EP300: variants seen among roughly 807,000 people sequenced by gnomAD.
EP300 encodes the protein histone acetyltransferase p300.
A neutral mutation model predicts 264.0 loss-of-function variants in EP300; 31 were observed. The observed-to-expected ratio is 0.12, with a 90% CI of 0.09 to 0.16. The LOEUF (loss-of-function observed/expected upper bound fraction) is 0.16. Ranked by LOEUF, EP300 falls within the 10% of genes least tolerant of loss-of-function variation. The pLI, the probability that EP300 is intolerant of heterozygous loss-of-function variation, is 1.00. For synonymous variants in EP300, 1,340 were observed against 1,045.4 expected (o/e 1.28, Z -5.44); for missense variants, 2,766 against 3,052.9 (o/e 0.91, Z 2.21).
intron 2 of EP300, among the ~76,000 whole-genome samples, chr22:41,123,891 T>A (rs1276436039): frequency 1.3e-5 from 2 of 152,254 alleles, no homozygotes; most frequent in African/African-American, 2.4e-5. Context: ...TTCAATTAAT[T>A]ATTATTATAG....
chr22:41,155,322 G>T lies in EP300; in HGVS notation c.3261+209G>T, dbSNP rs9653841. ...TGGCTCACTACTGTCTCCACCTCCC[G>T]GGCTCAGGTGATTCTCCCACCTCAG... On this transcript the variant is annotated intron_variant, in intron 17 of 30. Coordinates refer to ENST00000263253, the MANE Select transcript of EP300 (RefSeq NM_001429.4). 0.018 allele frequency among the ~76,000 whole-genome samples: 2,688 copies of T among 151,924 alleles called. 74 individuals carry two copies. Among genetic ancestry groups the T allele is most frequent in the African/African-American group, 0.062 (2,585 of 41,426 alleles).
rs1195653743 is a variant in EP300, at chr22:41,179,470, AT to A, written c.*515del. ...TATATATATATAAATATATATAAAT[AT>A]ATATTAAAATACCAGTTTTTTTTCT... On this transcript the variant is annotated 3_prime_UTR_variant, in exon 31 of 31. Transcript: ENST00000263253. 11 of 163,660 alleles carry A rather than the reference AT, an allele frequency of 6.7e-5. No individual in the cohort carries two copies. The highest frequency in any genetic ancestry group is 9.1e-5 in the Non-Finnish European group (7 of 76,782). 10.1% of individuals were successfully genotyped at this position (163,660 alleles called of 1,614,324 possible).
chr22:41,134,016 C>T (rs2058935187), intron 6 of EP300, among the ~76,000 whole-genome samples: 1 of 152,162 alleles, frequency 6.6e-6, no homozygotes, highest in Admixed American at 6.6e-5. Flanking sequence ...GTTTGTAAGT[C>T]AGATTTTGCA....
At chr22:41,133,775 A>G (rs1441407332) in intron 6 of EP300, among the ~76,000 whole-genome samples, 1 of 151,948 alleles carries the variant, frequency 6.6e-6, no homozygotes, top group East Asian at 1.9e-4. Context: ...TTTCTTTACT[A>G]TATAATAACA....
Position 41,179,573 on chromosome 22 carries a change from C to T in EP300, c.*617C>T, listed in dbSNP as rs2059228222. 1 of 198,544 alleles carries T rather than the reference C, an allele frequency of 5.0e-6. No homozygotes were observed. The highest frequency in any genetic ancestry group is 1.0e-5 in the Non-Finnish European group (1 of 98,638). The allele number at this position is 198,544 out of a possible 1,614,324, so 12.3% of individuals were successfully genotyped here. On this transcript the variant is annotated 3_prime_UTR_variant, in exon 31 of 31. Transcript: ENST00000263253. Reference sequence around the variant, plus strand: ...ACTGCCTTTCTTCCCCTCAAGTCAACTTTTGTGCTCCAGAAAATTTTCTAT... The same window carrying T: ...ACTGCCTTTCTTCCCCTCAAGTCAATTTTTGTGCTCCAGAAAATTTTCTAT...
At chr22:41,152,515 C>CTT (rs74973464) in intron 16 of EP300, among the ~76,000 whole-genome samples, 165 bp downstream of exon 16, 1 of 141,676 alleles carries the variant, frequency 7.1e-6, no homozygotes, top group Admixed American at 7.1e-5. Flanking sequence ...ATTTTTCTTT[C>CTT]TTTTTTTTTT....
intron 24 of EP300, 29 bp from the exon 25 acceptor site, chr22:41,168,692 G>C: frequency 6.2e-7 from 1 of 1,614,200 alleles, no homozygotes; most frequent in South Asian, 1.1e-5. Flanking sequence ...GAGTTATGTT[G>C]TGGTTCCCCC....
intron 14 of EP300, among the ~76,000 whole-genome samples, chr22:41,151,436 C>T (rs1160810811): frequency 1.3e-5 from 2 of 152,188 alleles, no homozygotes; most frequent in Non-Finnish European, 2.9e-5. Context: ...TATTTATTGT[C>T]TCCTTTTCTG....
chr22:41,130,529 TAAAAA>T (rs948009166), intron 5 of EP300, among the ~76,000 whole-genome samples: 1 of 150,248 alleles, frequency 6.7e-6, no homozygotes, highest in Non-Finnish European at 1.5e-5. Flanking sequence ...ACCCTGTCTT[TAAAAA>T]AAACAAAACA....
Position 41,173,774 on chromosome 22 carries a change from A to G in EP300, c.4769A>G (p.Lys1590Arg). 6.2e-7 allele frequency: 1 copy of G among 1,614,112 alleles called. No homozygotes were observed. The highest frequency in any genetic ancestry group is 8.5e-7 in the Non-Finnish European group (1 of 1,179,972). ...LSQKLYATME[K>R]HKEVFFVIRL... ...CAGAAACTATATGCCACCATGGAGA[A>G]GCATAAAGAGGTAAGATGCAGCCAC... The change falls in exon 29 of 31, where the codon AAG becomes AGG. Residue 1590 changes from lysine to arginine, a missense_variant. Physicochemically the swap from Lys to Arg is conservative, Grantham distance 26. Transcript: ENST00000263253.
chr22:41,176,715 T>G (rs909543974), intron 30 of EP300, 58 bp from the exon 31 acceptor site: 60 of 1,613,250 alleles, frequency 3.7e-5, no homozygotes, highest in Non-Finnish European at 4.9e-5. Context: ...ATATCTAAAA[T>G]ACTTTTGAAT....
chr22:41,166,662 T>C lies in EP300; in HGVS notation c.3870T>C (p.Ala1290=), dbSNP rs1304992568. 3 of 1,610,162 alleles carry C rather than the reference T, an allele frequency of 1.9e-6. No individual in the cohort carries two copies. Among genetic ancestry groups the C allele is most frequent in the African/African-American group, 1.3e-5 (1 of 74,888 alleles). Residue 1290 remains alanine, a synonymous_variant, in exon 23 of 31, where the codon GCT becomes GCC. Coordinates refer to ENST00000263253, the MANE Select transcript of EP300 (RefSeq NM_001429.4). ...CTAGGAAAGAAAATAAGTTTTCTGC[T>C]AAAAGTAAGTTTTATTCTTAAAGGT... is the stretch of plus-strand genomic sequence containing the variant. ...ARTRKENKFS[A]KRLPSTRLGT... is the part of the protein sequence containing the mutation.
chr22:41,176,703 CAA>C, intron 30 of EP300, 68 bp from the exon 31 acceptor site: 2 of 1,613,134 alleles, frequency 1.2e-6, no homozygotes, highest in Non-Finnish European at 8.5e-7. Context: ...CTAGCCCAAA[CAA>C]TATCTAAAAT....
rs748538778 is a variant in EP300, at chr22:41,117,561, C to A, written c.469C>A (p.Pro157Thr). 1.9e-6 allele frequency: 3 copies of A among 1,614,202 alleles called. No homozygotes were observed. The Admixed American group carries it at 5.0e-5, about 27-fold the overall frequency. ...PTQSTGMMNS[P>T]VNQPAMGMNT... ...GCAGTCAACAGGTATGATGAACAGT[C>A]CAGTAAATCAGCCTGCCATGGGAAT... The change falls in exon 2 of 31, where the codon CCA (proline) becomes ACA (threonine). Residue 157 changes from proline to threonine, a missense_variant. Pro to Thr is a conservative substitution (Grantham distance 38). Coordinates refer to ENST00000263253, the MANE Select transcript of EP300 (RefSeq NM_001429.4).
chr22:41,141,590 C>T (rs2058982604), intron 10 of EP300, among the ~76,000 whole-genome samples: 1 of 152,076 alleles, frequency 6.6e-6, no homozygotes, highest in South Asian at 2.1e-4. Context: ...GGTTCAGGAG[C>T]CCTGTAACAC....
chr22:41,116,193 A>T (rs373047496), intron 1 of EP300, among the ~76,000 whole-genome samples: 17 of 152,082 alleles, frequency 1.1e-4, no homozygotes, highest in African/African-American at 4.1e-4. Context: ...TATTATGCTA[A>T]TTCTATAACA....
At chr22:41,153,356 GT>G (rs2059058012) in intron 16 of EP300, among the ~76,000 whole-genome samples, 1 of 152,092 alleles carries the variant, frequency 6.6e-6, no homozygotes, top group South Asian at 2.1e-4. Flanking sequence ...ACAATGTGTT[GT>G]AAAATGTTGG....
At chr22:41,146,060 C>T (rs1419044096) in intron 10 of EP300, among the ~76,000 whole-genome samples, 1 of 151,974 alleles carries the variant, frequency 6.6e-6, no homozygotes, top group East Asian at 1.9e-4. Context: ...ATTCGGCCAC[C>T]ATTAGACATG....
At chr22:41,134,721 A>G (rs2058940135) in intron 6 of EP300, among the ~76,000 whole-genome samples, 1 of 152,166 alleles carries the variant, frequency 6.6e-6, no homozygotes. Flanking sequence ...TTATTGAGTG[A>G]CGAGTTTTTA....
Sources: gnomAD v4.1 joint callset for allele counts (sites outside exome capture counted in the v4.1 genomes callset) on GRCh38, gnomAD v4.1.1 for gene constraint, MANE v1.5 for transcripts, NCBI Gene and HGNC (gene_info 2026-07-23, HGNC 2026-07-21) for gene names.